ANKRD11: variants seen among roughly 807,000 people sequenced by gnomAD.
ANKRD11 encodes ankyrin repeat domain-containing protein 11.
Under a neutral mutation model 195.7 loss-of-function variants are expected in ANKRD11, and 17 were observed. The observed-to-expected ratio is 0.09, with a 90% CI of 0.06 to 0.13. The LOEUF (loss-of-function observed/expected upper bound fraction) is 0.13, where lower values mean the gene tolerates loss of function less well. ANKRD11 is among the 10% of genes least tolerant of loss of function. The probability of loss-of-function intolerance (pLI) is 1.00; values close to 1 mark genes in which losing one functional copy is unlikely to be tolerated. For missense variants in ANKRD11, 3,735 were observed against 3,566.1 expected, an observed-to-expected ratio of 1.05 and a Z score of -1.21; for synonymous variants, 1,953 against 1,528.1, an observed-to-expected ratio of 1.28 and a Z score of -6.49.
At chr16:89,326,369 G>A (rs993131188) in intron 2 of ANKRD11, among the ~76,000 whole-genome samples, 2 of 151,982 alleles carry the variant, frequency 1.3e-5, no homozygotes, top group South Asian at 2.1e-4. Context: ...AGAAGGGGAC[G>A]CAGCCACCGC....
intron 2 of ANKRD11, among the ~76,000 whole-genome samples, chr16:89,401,923 A>G (rs1210965622): frequency 1.3e-5 from 2 of 148,648 alleles, no homozygotes; most frequent in African/African-American, 4.9e-5. Context: ...ACCTGGAGAG[A>G]GGCCTGGAGC....
At chr16:89,305,376 T>C (rs1256714140) in intron 3 of ANKRD11, 32 bp from the exon 4 acceptor site, 3 of 1,613,580 alleles carry the variant, frequency 1.9e-6, no homozygotes, top group African/African-American at 2.7e-5. Context: ...TCAGTCGTGA[T>C]GTCCAAATTA....
intron 3 of ANKRD11, among the ~76,000 whole-genome samples, chr16:89,308,139 T>A (rs866272184): frequency 1.3e-5 from 2 of 152,050 alleles, no homozygotes; most frequent in Middle Eastern, 3.4e-3. Context: ...GGGCATTCTA[T>A]GAAAAGAAAA....
intron 2 of ANKRD11, chr16:89,412,602 G>A (rs181389297): frequency 7.2e-5 from 11 of 152,048 alleles, no homozygotes; most frequent in African/African-American, 2.7e-4. Flanking sequence ...AGGTACATTG[G>A]TGTTTTTGCA....
rs370572758 is a variant in ANKRD11 at position 89,438,240 on chromosome 16, A to T, written c.-144-19872T>A. Reference sequence around the variant, plus strand: ...ATACACAAACATCAATTTAGGATACATTAAAGGTATAAATGCAAAGGGCAA... The same window carrying T: ...ATACACAAACATCAATTTAGGATACTTTAAAGGTATAAATGCAAAGGGCAA... On this transcript the variant is annotated intron_variant, in intron 1 of 12. Coordinates refer to ENST00000301030, the MANE Select transcript of ANKRD11 (RefSeq NM_013275.6). Among the ~76,000 whole-genome samples the T allele has an allele frequency of 1.4e-3, 210 of 152,348 alleles. 5 individuals carry two copies. In the South Asian group the frequency reaches 0.041, roughly 30 times the overall value.
intron 1 of ANKRD11, among the ~76,000 whole-genome samples, chr16:89,452,282 T>C (rs1408459636): frequency 6.6e-6 from 1 of 151,442 alleles, no homozygotes; most frequent in Non-Finnish European, 1.5e-5. Flanking sequence ...AAAACTCATT[T>C]GCAATTTAGA....
chr16:89,401,048 GC>G (rs1239958286), intron 2 of ANKRD11, among the ~76,000 whole-genome samples: 2 of 152,126 alleles, frequency 1.3e-5, no homozygotes, highest in Admixed American at 6.5e-5. Context: ...CAACACGCTG[GC>G]CCTCAAGTTG....
intron 1 of ANKRD11, among the ~76,000 whole-genome samples, chr16:89,470,159 G>A (rs1224503174): frequency 6.6e-6 from 1 of 151,896 alleles, no homozygotes; most frequent in East Asian, 2.0e-4. Flanking sequence ...GCCTGCCCCG[G>A]CCTCCCAAAG....
At chr16:89,456,991 G>C (rs2965952) in intron 1 of ANKRD11, among the ~76,000 whole-genome samples, 2 of 140,966 alleles carry the variant, frequency 1.4e-5, no homozygotes, top group African/African-American at 2.7e-5. Context: ...ACGGAGTCTC[G>C]CTCTGTCGCC....
At chr16:89,341,061 T>C (rs1019046319) in intron 2 of ANKRD11, among the ~76,000 whole-genome samples, 9 of 152,174 alleles carry the variant, frequency 5.9e-5, no homozygotes, top group Admixed American at 2.0e-4. Context: ...CTTTAACATA[T>C]GCCCAGGAAA....
intron 6 of ANKRD11, among the ~76,000 whole-genome samples, 188 bp downstream of exon 6, chr16:89,290,428 TGGGGGGAGG>T (rs2034976922): frequency 2.0e-5 from 1 of 49,566 alleles, no homozygotes; most frequent in Admixed American, 2.1e-4. Flanking sequence ...AGGGCTCCAA[TGGGGGGAGG>T]CTCAGGGCTC....
chr16:89,389,188 T>C (rs962296096), intron 2 of ANKRD11, among the ~76,000 whole-genome samples: 7 of 151,884 alleles, frequency 4.6e-5, no homozygotes, highest in African/African-American at 1.7e-4. Context: ...CTGGCTAATT[T>C]TTTTTTTTTT....
intron 2 of ANKRD11, among the ~76,000 whole-genome samples, chr16:89,414,435 G>A (rs959629905): frequency 2.6e-5 from 4 of 152,138 alleles, no homozygotes; most frequent in African/African-American, 9.7e-5. Context: ...CAGCCGCACC[G>A]CCTGAGAGGA....
At chr16:89,357,215 TGA>T (rs2039525612) in intron 2 of ANKRD11, among the ~76,000 whole-genome samples, 1 of 151,520 alleles carries the variant, frequency 6.6e-6, no homozygotes, top group South Asian at 2.1e-4. Context: ...GGGGGCGGGG[TGA>T]GTCAGCTTCA....
intron 2 of ANKRD11, among the ~76,000 whole-genome samples, chr16:89,340,238 C>G (rs1373853789): frequency 6.6e-6 from 1 of 152,198 alleles, no homozygotes. Flanking sequence ...AACATGTCAT[C>G]TTTCACTTTT....
chr16:89,307,116 C>T (rs1456415856), intron 3 of ANKRD11, among the ~76,000 whole-genome samples: 1 of 152,128 alleles, frequency 6.6e-6, no homozygotes, highest in Non-Finnish European at 1.5e-5. Context: ...GACACACACA[C>T]TGCCTTTCCC....
In ANKRD11 at chr16:89,283,624, C is replaced by A; in HGVS notation, c.2918G>T (p.Arg973Leu). The A allele has an allele frequency of 1.2e-6, 2 of 1,610,420 alleles. No homozygotes were observed. Among genetic ancestry groups the A allele is most frequent in the Non-Finnish European group, 1.7e-6 (2 of 1,179,898 alleles). Residue 973 changes from arginine (R) to leucine (L), a missense_variant, in exon 9 of 13, where the codon CGG becomes CTG. Arg to Leu is a moderately radical substitution (Grantham distance 102). Transcript: ENST00000301030. This position sits in a 1 kb window ranked among gnomAD's most constrained non-coding sequence, Gnocchi z 4.3. ...DGRAKPEEAH[R>L]EELKECGCES... ...GCAGCCACACTCCTTCAGCTCCTCC[C>A]GGTGCGCCTCCTCGGGCTTGGCCCT...
chr16:89,328,156 T>A (rs1048331885), intron 2 of ANKRD11, among the ~76,000 whole-genome samples: 1 of 147,244 alleles, frequency 6.8e-6, no homozygotes, highest in African/African-American at 2.5e-5. Flanking sequence ...CAATGAGATA[T>A]TACTGCACAC....
At chr16:89,294,898 C>T (rs532030838) in intron 4 of ANKRD11, among the ~76,000 whole-genome samples, 2 of 152,324 alleles carry the variant, frequency 1.3e-5, no homozygotes, top group East Asian at 1.9e-4. Context: ...GCGCAGGAGG[C>T]GCGGGGTGTT....
Sources: gnomAD v4.1 joint callset for allele counts (sites outside exome capture counted in the v4.1 genomes callset) on GRCh38, gnomAD v4.1.1 for gene constraint, Gnocchi (gnomAD v3.1) non-coding constraint, MANE v1.5 for transcripts, NCBI Gene and HGNC (gene_info 2026-07-23, HGNC 2026-07-21) for gene names.